The following PLCXD1 variants were observed in gnomAD, a reference collection of about 807,000 sequenced individuals.
The protein encoded by PLCXD1 is PI-PLC X domain-containing protein 1.
A neutral mutation model predicts 37.8 loss-of-function variants in PLCXD1; 45 were observed. The ratio of observed to expected loss-of-function variants is 1.19; its 90% CI spans 0.94 to 1.53. The LOEUF is 1.53. Among genes scored for constraint, PLCXD1 ranks in the 40% most tolerant of loss-of-function variants. The pLI is 0.00. For missense variants in PLCXD1, 539 were observed against 454.7 expected (o/e 1.19, Z -1.69); for synonymous variants, 246 against 206.9 (o/e 1.19, Z -1.62).
At chrX:291,729 C>T (rs2069643330) in intron 5 of PLCXD1, 75 bp downstream of exon 5, 5 of 1,477,156 alleles carry the variant, frequency 3.4e-6, no homozygotes, top group Non-Finnish European at 3.8e-6. Flanking sequence ...ATTTGCTGTG[C>T]CCTGGGTGTG....
At chrX:293,239 G>A (rs2069696689) in intron 6 of PLCXD1, 21 bp downstream of exon 6, 1 of 1,596,908 alleles carries the variant, frequency 6.3e-7, no homozygotes, top group Admixed American at 1.7e-5. Context: ...GCCCCTCGTG[G>A]GGGTAGATTC....
chrX:276,867 G>A (rs1286854332), upstream of PLCXD1, among the ~76,000 whole-genome samples: 6 of 152,122 alleles, frequency 3.9e-5, no homozygotes, highest in South Asian at 2.1e-4. Context: ...CATTCACCCC[G>A]TGCGTTGAAT....
At chrX:293,262 C>T (rs369968637) in intron 6 of PLCXD1, 44 bp downstream of exon 6, 63 of 1,493,936 alleles carry the variant, frequency 4.2e-5, no homozygotes, top group Admixed American at 1.8e-4. Context: ...CACAGCCTCC[C>T]GTGACGCCCT....
chrX:287,359 ATATT>A (rs1245787674), intron 2 of PLCXD1, among the ~76,000 whole-genome samples: 2 of 144,454 alleles, frequency 1.4e-5, no homozygotes, highest in Non-Finnish European at 3.0e-5. Context: ...TATATTTTAT[ATATT>A]TATATAAATA....
At chrX:284,984 C>G (rs1375317539) in intron 2 of PLCXD1, among the ~76,000 whole-genome samples, 14 of 152,136 alleles carry the variant, frequency 9.2e-5, no homozygotes, top group Non-Finnish European at 1.6e-4. Flanking sequence ...CAGGTCCCTC[C>G]CATGACAGAT....
chrX:279,004 G>A (rs1318932842), upstream of PLCXD1, among the ~76,000 whole-genome samples: 1 of 152,180 alleles, frequency 6.6e-6, no homozygotes, highest in Non-Finnish European at 1.5e-5. Context: ...AGTCCGAAGA[G>A]AGAGTCAGCG....
rs987480096 is a variant in PLCXD1 at position 299,402 on chromosome X, CTTTG to C, written c.*72_*75del. Reference sequence around the variant, plus strand: ...ACCCCCGAATTTCCAAGTATTGTGACTTTGTTTGGGCCAAATGTTGGTGATCATA... The same window carrying C: ...ACCCCCGAATTTCCAAGTATTGTGACTTTGGGCCAAATGTTGGTGATCATA... On this transcript the variant is annotated 3_prime_UTR_variant, in exon 7 of 7. Coordinates refer to ENST00000381657, the MANE Select transcript of PLCXD1 (RefSeq NM_018390.4). 1.0e-4 allele frequency: 121 copies of C among 1,153,712 alleles called. No homozygotes were observed. The highest frequency in any genetic ancestry group is 1.2e-4 in the Admixed American group (7 of 58,886). 71.5% of individuals were successfully genotyped at this position (1,153,712 alleles called of 1,614,324 possible).
chrX:288,901 C>T (rs200909774), intron 3 of PLCXD1, 32 bp downstream of exon 3: 48 of 1,607,292 alleles, frequency 3.0e-5, no homozygotes, highest in Non-Finnish European at 3.7e-5. Flanking sequence ...GCTGACCTGG[C>T]CTGTCAGCTA....
chrX:289,386 C>T (rs2069555978), intron 3 of PLCXD1, among the ~76,000 whole-genome samples: 1 of 151,770 alleles, frequency 6.6e-6, no homozygotes, highest in Non-Finnish European at 1.5e-5. Context: ...CGCGCCCGGC[C>T]CAGCATTTTA....
chrX:282,941 TATATTATA>T (rs1487110671), intron 1 of PLCXD1, among the ~76,000 whole-genome samples: 55 of 117,514 alleles, frequency 4.7e-4, no homozygotes, highest in Non-Finnish European at 8.2e-4. Flanking sequence ...ATGTTATATA[TATATTATA>T]TATATATTAT....
chrX:288,675 C>T, intron 2 of PLCXD1, 58 bp from the exon 3 acceptor site: 1 of 1,594,662 alleles, frequency 6.3e-7, no homozygotes. Flanking sequence ...GAGCGACTCA[C>T]AGCAGGTGGC....
chrX:295,905 A>G (rs918656229), intron 6 of PLCXD1, among the ~76,000 whole-genome samples: 5 of 151,748 alleles, frequency 3.3e-5, no homozygotes, highest in African/African-American at 7.3e-5. Flanking sequence ...CAATGGCGCA[A>G]TCTTGGCTCA....
At chrX:283,100 G>A (rs1456536999) in intron 1 of PLCXD1, 3 of 148,236 alleles carry the variant, frequency 2.0e-5, no homozygotes, top group African/African-American at 7.4e-5. Context: ...TAGGCGACAC[G>A]GACACACGTG....
At chrX:279,391 G>A (rs770972502), upstream of PLCXD1, among the ~76,000 whole-genome samples, 1 of 152,314 alleles carries the variant, frequency 6.6e-6, no homozygotes, top group East Asian at 1.9e-4. Context: ...TTCAATCGGT[G>A]AAGGTGGGAC....
intron 6 of PLCXD1, among the ~76,000 whole-genome samples, chrX:298,386 A>C (rs868861654): frequency 2.6e-4 from 2 of 7,616 alleles, no homozygotes; most frequent in Admixed American, 1.1e-3. Context: ...ATCTTTGGGG[A>C]CATTATTCTG....
chrX:281,489 G>A lies in PLCXD1; in HGVS notation c.-217G>A, dbSNP rs2069276268. 1 of 152,904 alleles carries A rather than the reference G, an allele frequency of 6.5e-6. No individual in the cohort carries two copies. Among genetic ancestry groups the A allele is most frequent in the South Asian group, 2.0e-4 (1 of 4,896 alleles). The allele number at this position is 152,904 out of a possible 1,614,324, so 9.5% of individuals were successfully genotyped here. A position where few individuals can be genotyped will look rare whatever the true frequency, so the allele number is the denominator to read the frequency against. On this transcript the variant is annotated 5_prime_UTR_variant, in exon 1 of 7. Coordinates refer to ENST00000381657, the MANE Select transcript of PLCXD1 (RefSeq NM_018390.4). Reference sequence around the variant, plus strand: ...TAAGAACAAAATCTGCAGCCACCTGGGAAGCCTGGCCTCAGTGTGGAAGAG... The same window carrying A: ...TAAGAACAAAATCTGCAGCCACCTGAGAAGCCTGGCCTCAGTGTGGAAGAG...
intron 6 of PLCXD1, 138 bp from the exon 7 acceptor site, chrX:298,959 C>G (rs2069903531): frequency 1.4e-6 from 1 of 703,784 alleles, no homozygotes; most frequent in Non-Finnish European, 2.5e-6. Flanking sequence ...AAGCAAAGCT[C>G]ACCCAATTTC....
chrX:289,232 C>A (rs1381551821), intron 3 of PLCXD1, among the ~76,000 whole-genome samples: 1 of 152,008 alleles, frequency 6.6e-6, no homozygotes, highest in Non-Finnish European at 1.5e-5. Context: ...GGTCTACAGG[C>A]ACCTGTCACC....
At chrX:291,687 C>T (rs1302181315) in intron 5 of PLCXD1, 33 bp downstream of exon 5, 2 of 1,608,194 alleles carry the variant, frequency 1.2e-6, no homozygotes, top group African/African-American at 2.7e-5. Context: ...CACGTCTCTC[C>T]CGGGGCAGGG....
Sources: gnomAD v4.1 joint callset for allele counts (sites outside exome capture counted in the v4.1 genomes callset) on GRCh38, gnomAD v4.1.1 for gene constraint, MANE v1.5 for transcripts, NCBI Gene and HGNC (gene_info 2026-07-23, HGNC 2026-07-21) for gene names.